Variants in SPIDR observed in about 807,000 individuals in gnomAD.
The protein encoded by SPIDR is scaffold protein involved in DNA repair.
A neutral mutation model predicts 104.6 loss-of-function variants in SPIDR; 93 were observed. The ratio of observed to expected loss-of-function variants is 0.89; its 90% confidence interval spans 0.75 to 1.06. The LOEUF (loss-of-function observed/expected upper bound fraction) is 1.06. Ranked by LOEUF, SPIDR falls within the 50% of genes least tolerant of loss-of-function variation. SPIDR has a pLI of 0.00. For missense variants in SPIDR, 1,154 were observed against 1,111.2 expected, an observed-to-expected ratio of 1.04 and a Z score of -0.55; for synonymous variants, 431 against 416.9, an observed-to-expected ratio of 1.03 and a Z score of -0.41.
intron 5 of SPIDR, among the ~76,000 whole-genome samples, chr8:47,298,868 A>G (rs1474414134): frequency 1.3e-5 from 2 of 152,184 alleles, no homozygotes; most frequent in African/African-American, 2.4e-5. Context: ...CTTGTAGTAT[A>G]GTTTGAAGTC....
At chr8:47,389,688 CAA>C (rs11295388) in intron 5 of SPIDR, among the ~76,000 whole-genome samples, 7 of 62,024 alleles carry the variant, frequency 1.1e-4, no homozygotes, top group Non-Finnish European at 1.2e-4. Context: ...GACTCCATCT[CAA>C]AAAAAAAAAA....
chr8:47,580,277 A>G (rs2059578435), intron 8 of SPIDR, among the ~76,000 whole-genome samples: 1 of 152,230 alleles, frequency 6.6e-6, no homozygotes, highest in Non-Finnish European at 1.5e-5. Flanking sequence ...AGTTTTTGCT[A>G]AACAATAGAC....
chr8:47,425,609 A>G (rs1260327557), intron 7 of SPIDR, among the ~76,000 whole-genome samples: 1 of 152,186 alleles, frequency 6.6e-6, no homozygotes, highest in African/African-American at 2.4e-5. Flanking sequence ...TGCTAGAAAA[A>G]TTATATTTTG....
intron 10 of SPIDR, among the ~76,000 whole-genome samples, chr8:47,631,623 A>G (rs1329090675): frequency 6.6e-6 from 1 of 152,234 alleles, no homozygotes; most frequent in Non-Finnish European, 1.5e-5. Flanking sequence ...TTTGGGACAT[A>G]TAAAAGAGGA....
At chr8:47,665,939 T>G (rs1401774112) in intron 10 of SPIDR, among the ~76,000 whole-genome samples, 1 of 152,186 alleles carries the variant, frequency 6.6e-6, no homozygotes, top group Admixed American at 6.5e-5. Flanking sequence ...ATTTTTTGCA[T>G]TTTTTTATAG....
At chr8:47,533,569 T>A (rs1048793396) in intron 8 of SPIDR, among the ~76,000 whole-genome samples, 8 of 152,026 alleles carry the variant, frequency 5.3e-5, no homozygotes, top group African/African-American at 1.9e-4. Flanking sequence ...TAAACAAATT[T>A]ACAAGAGAAA....
chr8:47,369,936 C>A (rs1170965723), intron 5 of SPIDR, among the ~76,000 whole-genome samples: 1 of 151,916 alleles, frequency 6.6e-6, no homozygotes, highest in African/African-American at 2.4e-5. Flanking sequence ...GGGTTCCCTA[C>A]CCCCCATTTT....
intron 8 of SPIDR, among the ~76,000 whole-genome samples, chr8:47,483,827 G>T (rs1018821000): frequency 6.6e-6 from 1 of 152,140 alleles, no homozygotes; most frequent in Non-Finnish European, 1.5e-5. Context: ...TGTGTCATTG[G>T]ATTCTAGCTA....
chr8:47,650,765 C>T (rs1037203349), intron 10 of SPIDR, among the ~76,000 whole-genome samples: 1 of 152,110 alleles, frequency 6.6e-6, no homozygotes, highest in Non-Finnish European at 1.5e-5. Context: ...GATACACAGA[C>T]CACTGGAAAA....
At chr8:47,266,347 T>A (rs2034036892) in intron 1 of SPIDR, among the ~76,000 whole-genome samples, 1 of 152,058 alleles carries the variant, frequency 6.6e-6, no homozygotes, top group Non-Finnish European at 1.5e-5. Flanking sequence ...CCCAGGCTGG[T>A]CTTGAACTCC....
At chr8:47,604,315 C>CAGCTGGCA (rs2062676361) in intron 10 of SPIDR, among the ~76,000 whole-genome samples, 1 of 152,192 alleles carries the variant, frequency 6.6e-6, no homozygotes, top group Non-Finnish European at 1.5e-5. Flanking sequence ...GCCAGCATGA[C>CAGCTGGCA]CATGCTGCAC....
intron 8 of SPIDR, among the ~76,000 whole-genome samples, chr8:47,573,887 T>G (rs1440257644): frequency 6.6e-6 from 1 of 152,242 alleles, no homozygotes; most frequent in Non-Finnish European, 1.5e-5. Flanking sequence ...TTTGCTGTCC[T>G]TGTTGCCCTA....
At chr8:47,447,308 G>A (rs564609049) in intron 8 of SPIDR, among the ~76,000 whole-genome samples, 18 of 152,188 alleles carry the variant, frequency 1.2e-4, no homozygotes, top group African/African-American at 4.3e-4. Flanking sequence ...CCGCCTCCCG[G>A]GCTCAAGCAT....
At chr8:47,623,869 C>A (rs1186670826) in intron 10 of SPIDR, among the ~76,000 whole-genome samples, 2 of 152,198 alleles carry the variant, frequency 1.3e-5, no homozygotes, top group Non-Finnish European at 2.9e-5. Flanking sequence ...TTGAACTCAG[C>A]TCTGCACCAA....
intron 5 of SPIDR, among the ~76,000 whole-genome samples, chr8:47,359,356 T>C (rs781974673): frequency 2.9e-4 from 44 of 152,308 alleles, no homozygotes; most frequent in Middle Eastern, 6.8e-3. Context: ...GAACTTCTCT[T>C]TTTTGGAAAG....
intron 2 of SPIDR, among the ~76,000 whole-genome samples, chr8:47,281,112 A>C (rs1242874862): frequency 6.6e-6 from 1 of 152,240 alleles, no homozygotes; most frequent in African/African-American, 2.4e-5. Context: ...TAGTCTGTTA[A>C]GTGCAATAGT....
intron 7 of SPIDR, among the ~76,000 whole-genome samples, chr8:47,414,359 G>A (rs1177450822): frequency 1.3e-5 from 2 of 152,062 alleles, no homozygotes; most frequent in African/African-American, 4.8e-5. Context: ...AGAAAAAGGT[G>A]ATTTTTTTTG....
chr8:47,591,550 TG>T (rs938756546), intron 8 of SPIDR, among the ~76,000 whole-genome samples: 1 of 152,068 alleles, frequency 6.6e-6, no homozygotes, highest in African/African-American at 2.4e-5. Flanking sequence ...AAGCTTTTTT[TG>T]AAGGGGGGAA....
intron 5 of SPIDR, among the ~76,000 whole-genome samples, chr8:47,297,535 C>T (rs1406553006): frequency 6.6e-6 from 1 of 151,936 alleles, no homozygotes; most frequent in Non-Finnish European, 1.5e-5. Flanking sequence ...TATACATGTG[C>T]CATGTCGGTG....
Sources: allele counts gnomAD v4.1 joint callset (sites outside exome capture counted in the v4.1 genomes callset), GRCh38; gene constraint gnomAD v4.1.1; transcripts MANE v1.5; gene names NCBI Gene and HGNC (gene_info 2026-07-23, HGNC 2026-07-21).